Variants in SCAPER observed in about 807,000 individuals in gnomAD.
SCAPER encodes the protein S phase cyclin A-associated protein in the endoplasmic reticulum.
SCAPER carries 98 observed loss-of-function variants against 182.2 expected under a neutral mutation model. That is an observed-to-expected ratio of 0.54 (90% CI 0.46 to 0.64). The LOEUF is 0.64. Ranked by LOEUF, SCAPER falls within the 30% of genes least tolerant of loss-of-function variation. The pLI, the probability that SCAPER is intolerant of heterozygous loss-of-function variation, is 0.00. For synonymous variants in SCAPER, 605 were observed against 564.6 expected (o/e 1.07, Z -1.01); for missense variants, 1,432 against 1,690.0 (o/e 0.85, Z 2.68).
intron 18 of SCAPER, among the ~76,000 whole-genome samples, chr15:76,705,159 T>A (rs112511157): frequency 0.15 from 23,392 of 151,736 alleles, 2,042 homozygotes; most frequent in African/African-American, 0.24. Flanking sequence ...ATGTCCAACA[T>A]TGATAGACTG....
intron 24 of SCAPER, among the ~76,000 whole-genome samples, chr15:76,481,549 C>T (rs535794435): frequency 2.6e-5 from 4 of 152,196 alleles, no homozygotes; most frequent in Admixed American, 1.3e-4. Context: ...AAATAAAACA[C>T]AGATACAGAA....
rs142188117 is a variant in SCAPER, at chr15:76,830,610, T to C, written c.393+11124A>G. The stretch of plus-strand genomic sequence containing the variant: ...AGGAACAAAGGACGTCTCCCAGGTC[T>C]CAAGCACAAACACCTGGGGGTAAAA... On this transcript the variant is annotated intron_variant, in intron 5 of 31. Transcript: ENST00000563290. 1.5e-3 allele frequency among the ~76,000 whole-genome samples: 221 copies of C among 152,134 alleles called. 2 individuals are homozygous for C. The highest frequency in any genetic ancestry group is 4.8e-3 in the African/African-American group (200 of 41,498).
intron 15 of SCAPER, among the ~76,000 whole-genome samples, chr15:76,752,671 T>C (rs1598516808): frequency 6.6e-6 from 1 of 151,840 alleles, no homozygotes; most frequent in African/African-American, 2.4e-5. Context: ...GTACTTACAG[T>C]AGTCAAAATC....
intron 25 of SCAPER, 101 bp downstream of exon 25, chr15:76,471,111 T>TTC (rs1232033421): frequency 2.2e-6 from 2 of 912,890 alleles, no homozygotes; most frequent in Admixed American, 8.0e-5. Context: ...TTTTTTTTTT[T>TTC]TCATCTGGAG....
intron 1 of SCAPER, among the ~76,000 whole-genome samples, chr15:76,893,447 A>G (rs1368148633): frequency 6.6e-6 from 1 of 152,162 alleles, no homozygotes; most frequent in Non-Finnish European, 1.5e-5. Flanking sequence ...AAGGAAAAAG[A>G]GACAGCAATA....
At chr15:76,672,251 G>T (rs889883109) in intron 20 of SCAPER, among the ~76,000 whole-genome samples, 10 of 152,110 alleles carry the variant, frequency 6.6e-5, no homozygotes, top group Non-Finnish European at 1.0e-4. Context: ...AAGTTAGAAT[G>T]GCTATCCTAA....
chr15:76,448,267 C>CAATTAAT (rs1330996712), intron 25 of SCAPER, among the ~76,000 whole-genome samples: 1 of 152,074 alleles, frequency 6.6e-6, no homozygotes, highest in Admixed American at 6.6e-5. Context: ...TTACAATTAA[C>CAATTAAT]AGCAGGGAAG....
At chr15:76,512,812 A>T (rs1423466045) in intron 23 of SCAPER, among the ~76,000 whole-genome samples, 1 of 151,088 alleles carries the variant, frequency 6.6e-6, no homozygotes, top group Non-Finnish European at 1.5e-5. Flanking sequence ...CCAACTTTTT[A>T]CTAATGTACT....
At chr15:76,413,997 T>C (rs1460702910) in intron 26 of SCAPER, among the ~76,000 whole-genome samples, 4 of 152,206 alleles carry the variant, frequency 2.6e-5, no homozygotes, top group Non-Finnish European at 4.4e-5. Flanking sequence ...AATATGGCAA[T>C]TTCTAAATGT....
At chr15:76,549,006 G>A (rs192178189) in intron 23 of SCAPER, among the ~76,000 whole-genome samples, 10,071 of 152,122 alleles carry the variant, frequency 0.066, 368 homozygotes, top group Middle Eastern at 0.11. Context: ...GAGTGAACAG[G>A]CAACCTACAG....
chr15:76,802,518 T>C (rs1247355227), intron 6 of SCAPER, among the ~76,000 whole-genome samples: 2 of 152,222 alleles, frequency 1.3e-5, no homozygotes, highest in Non-Finnish European at 2.9e-5. Flanking sequence ...ACCCAGGGAC[T>C]GTGGATGAAG....
intron 24 of SCAPER, among the ~76,000 whole-genome samples, chr15:76,501,385 T>C (rs1216882307): frequency 1.3e-5 from 2 of 150,570 alleles, no homozygotes; most frequent in African/African-American, 4.9e-5. Flanking sequence ...CAAATATTCA[T>C]TCACACGAAG....
intron 25 of SCAPER, among the ~76,000 whole-genome samples, chr15:76,453,866 T>C (rs906021832): frequency 6.6e-6 from 1 of 152,224 alleles, no homozygotes; most frequent in South Asian, 2.1e-4. Flanking sequence ...ACTTGGAGAA[T>C]GATCCGAGAT....
At chr15:76,690,921 C>G (rs2147126215) in intron 20 of SCAPER, among the ~76,000 whole-genome samples, 1 of 152,094 alleles carries the variant, frequency 6.6e-6, no homozygotes, top group East Asian at 1.9e-4. Context: ...AATATGAACA[C>G]AGTGAACCCA....
intron 20 of SCAPER, among the ~76,000 whole-genome samples, chr15:76,694,808 T>C (rs2058566654): frequency 6.6e-6 from 1 of 152,170 alleles, no homozygotes; most frequent in Admixed American, 6.5e-5. Flanking sequence ...AATTTAACTA[T>C]GTACTTTTAA....
At chr15:76,376,523 G>A (rs2042582521) in intron 28 of SCAPER, among the ~76,000 whole-genome samples, 1 of 152,224 alleles carries the variant, frequency 6.6e-6, no homozygotes. Context: ...AGGGACAGTA[G>A]TAGACCAAAT....
intron 23 of SCAPER, among the ~76,000 whole-genome samples, chr15:76,562,170 AT>A (rs1341267634): frequency 1.6e-4 from 24 of 150,130 alleles, no homozygotes; most frequent in African/African-American, 5.4e-4. Flanking sequence ...AAAAAAAAAA[AT>A]TAATACCAAA....
chr15:76,728,583 C>T lies in SCAPER; in HGVS notation c.2165+12G>A. 6.2e-7 allele frequency: 1 copy of T among 1,613,006 alleles called. No homozygotes were observed. ...CAGTGCAAAATGTTCATCAAGATAG[C>T]AAATGAGATACCTAGCTCTTTCCCG... On this transcript the variant is annotated intron_variant, in intron 17 of 31. Transcript: ENST00000563290.
chr15:76,606,318 T>C lies in SCAPER; in HGVS notation c.2711+15446A>G, dbSNP rs545913181. ...AGGAGCAGGTTGTTCAGTTTCCATG[T>C]AGTTGAGCGGTTTTGAGTGAGTTTC... On this transcript the variant is annotated intron_variant, in intron 22 of 31. Transcript: ENST00000563290. Among the ~76,000 whole-genome samples the C allele has an allele frequency of 1.1e-4, 16 of 152,342 alleles. 1 individual carries two copies. The highest frequency in any genetic ancestry group is 3.1e-4 in the African/African-American group (13 of 41,574).
Sources: allele counts gnomAD v4.1 joint callset (sites outside exome capture counted in the v4.1 genomes callset), GRCh38; gene constraint gnomAD v4.1.1; transcripts MANE v1.5; gene names NCBI Gene and HGNC (gene_info 2026-07-23, HGNC 2026-07-21).